The following NRG1 variants were observed in gnomAD, a reference collection of about 807,000 sequenced individuals.
The protein encoded by NRG1 is neuregulin 1.
A neutral mutation model predicts 63.8 loss-of-function variants in NRG1; 18 were observed. The ratio of observed to expected loss-of-function variants is 0.28; its 90% CI spans 0.19 to 0.42. NRG1 has a LOEUF of 0.42. NRG1 is among the 10% of genes least tolerant of loss of function. The probability of loss-of-function intolerance (pLI) is 1.00; values close to 1 mark genes in which losing one functional copy is unlikely to be tolerated. For synonymous variants in NRG1, 302 were observed against 301.3 expected, an observed-to-expected ratio of 1.00 and a Z score of -0.02; for missense variants, 762 against 814.7, an observed-to-expected ratio of 0.94 and a Z score of 0.79.
Position 31,640,590 on chromosome 8 carries a change from C to T in NRG1, c.37+1159C>T. The T allele has an allele frequency of 6.2e-7, 1 of 1,612,248 alleles. No homozygotes were observed. On this transcript the variant is annotated intron_variant, in intron 1 of 10. Coordinates refer to the NRG1 transcript ENST00000519301. This position sits in a 1 kb window ranked among gnomAD's most constrained non-coding sequence, Gnocchi z 6.3. ...CCTCCTGCGGGAGGCTCAAGGAGGA[C>T]AGCAGGTACATCTTCTTCATGGAGC... is the stretch of plus-strand genomic sequence containing the variant.
At chr8:32,371,601 G>A (rs974304714) in intron 1 of NRG1, among the ~76,000 whole-genome samples, 2 of 149,090 alleles carry the variant, frequency 1.3e-5, no homozygotes, top group African/African-American at 2.4e-5. Flanking sequence ...TAGCCAAAGA[G>A]ATATTAGTGA....
intron 1 of NRG1, among the ~76,000 whole-genome samples, chr8:32,406,425 C>T (rs970106873): frequency 6.6e-6 from 1 of 152,098 alleles, no homozygotes; most frequent in African/African-American, 2.4e-5. Flanking sequence ...TGTAAAAATG[C>T]TTAGGTTTCT....
intron 1 of NRG1, among the ~76,000 whole-genome samples, chr8:32,162,332 G>T (rs917348766): frequency 3.9e-5 from 6 of 152,128 alleles, no homozygotes; most frequent in Admixed American, 3.3e-4. Context: ...TAGTTAGATC[G>T]ATCATCTTAA....
chr8:32,621,669 A>C (rs1279204782), intron 5 of NRG1, among the ~76,000 whole-genome samples: 1 of 152,260 alleles, frequency 6.6e-6, no homozygotes, highest in Non-Finnish European at 1.5e-5. Flanking sequence ...TGAAGTGGTA[A>C]TATCTGTTTC....
intron 1 of NRG1, among the ~76,000 whole-genome samples, chr8:32,033,849 C>T (rs915171227): frequency 3.3e-5 from 5 of 152,186 alleles, no homozygotes; most frequent in Non-Finnish European, 5.9e-5. Flanking sequence ...AGCTTTTGAG[C>T]TGAGACAATG....
At chr8:32,223,319 T>C (rs16878994) in intron 1 of NRG1, among the ~76,000 whole-genome samples, 3,306 of 152,326 alleles carry the variant, frequency 0.022, 109 homozygotes, top group African/African-American at 0.072. Context: ...ACTTTAGAGT[T>C]CTATTTCATT....
intron 1 of NRG1, among the ~76,000 whole-genome samples, chr8:31,734,204 T>C (rs1483276138): frequency 6.6e-6 from 1 of 152,160 alleles, no homozygotes; most frequent in Non-Finnish European, 1.5e-5. Flanking sequence ...CGCGTACCTA[T>C]AGCCCTAGCT....
At chr8:32,224,452 T>C (rs1846129104) in intron 1 of NRG1, among the ~76,000 whole-genome samples, 1 of 152,186 alleles carries the variant, frequency 6.6e-6, no homozygotes, top group Admixed American at 6.5e-5. Context: ...CCTTCTTTAC[T>C]TAGAACTATC....
intron 1 of NRG1, among the ~76,000 whole-genome samples, chr8:31,756,689 C>T (rs1271154929): frequency 6.6e-6 from 1 of 152,112 alleles, no homozygotes; most frequent in East Asian, 1.9e-4. Flanking sequence ...CTATTAGAAA[C>T]AAACAGCTGA....
chr8:32,193,622 G>A (rs1237575649), intron 1 of NRG1, among the ~76,000 whole-genome samples: 1 of 152,132 alleles, frequency 6.6e-6, no homozygotes, highest in East Asian at 1.9e-4. Context: ...ATTTGGTAGA[G>A]GCTCGGTGTT....
chr8:32,385,931 C>T (rs1810964059), intron 1 of NRG1, among the ~76,000 whole-genome samples: 1 of 152,186 alleles, frequency 6.6e-6, no homozygotes. Flanking sequence ...CCATTAATTG[C>T]AAATAATAAA....
intron 1 of NRG1, among the ~76,000 whole-genome samples, chr8:32,568,694 G>A (rs1229280001): frequency 6.6e-6 from 1 of 152,222 alleles, no homozygotes; most frequent in South Asian, 2.1e-4. Flanking sequence ...TCTAATGTTC[G>A]CCAAAGTTTT....
intron 1 of NRG1, among the ~76,000 whole-genome samples, chr8:32,242,246 C>A (rs973602518): frequency 3.3e-5 from 5 of 152,038 alleles, no homozygotes; most frequent in African/African-American, 1.2e-4. Flanking sequence ...GAGGCCAAGG[C>A]AGCTGGATCA....
At chr8:32,631,576 A>T (rs992661276) in intron 5 of NRG1, among the ~76,000 whole-genome samples, 2 of 152,168 alleles carry the variant, frequency 1.3e-5, no homozygotes, top group African/African-American at 4.8e-5. Context: ...TCAGGGTAAA[A>T]GAGTTGGGAG....
At chr8:32,393,715 G>C (rs1056968871) in intron 1 of NRG1, among the ~76,000 whole-genome samples, 3 of 118,992 alleles carry the variant, frequency 2.5e-5, no homozygotes, top group African/African-American at 9.9e-5. Flanking sequence ...GCAAACAAGA[G>C]ACACTGGGGC....
At chr8:31,655,783 G>A (rs1207996165) in intron 1 of NRG1, among the ~76,000 whole-genome samples, 1 of 152,206 alleles carries the variant, frequency 6.6e-6, no homozygotes, top group Non-Finnish European at 1.5e-5. Flanking sequence ...ACTAGAGTGG[G>A]AGCTACAGAA....
chr8:32,386,508 A>C (rs1049639613), intron 1 of NRG1, among the ~76,000 whole-genome samples: 1 of 152,170 alleles, frequency 6.6e-6, no homozygotes, highest in Non-Finnish European at 1.5e-5. Flanking sequence ...CAGTGCTTTT[A>C]TATATTTAAC....
chr8:32,752,069 T>C (rs1320873995), intron 7 of NRG1, among the ~76,000 whole-genome samples: 3 of 152,090 alleles, frequency 2.0e-5, no homozygotes, highest in African/African-American at 7.2e-5. Context: ...AAGAAAACAA[T>C]AGAGGACGGA....
chr8:31,794,148 C>G (rs1249543594), intron 1 of NRG1, among the ~76,000 whole-genome samples: 2 of 152,128 alleles, frequency 1.3e-5, no homozygotes, highest in African/African-American at 2.4e-5. Flanking sequence ...ATTACTTTCT[C>G]TCAGAGGTAT....
Sources: allele counts gnomAD v4.1 joint callset (sites outside exome capture counted in the v4.1 genomes callset), GRCh38; gene constraint gnomAD v4.1.1; non-coding constraint Gnocchi (gnomAD v3.1); transcripts MANE v1.5; gene names NCBI Gene and HGNC (gene_info 2026-07-23, HGNC 2026-07-21).